Variants in CADM2 observed in about 807,000 individuals in gnomAD.
CADM2 encodes immunoglobulin superfamily member 4D.
CADM2 carries 12 observed loss-of-function variants against 49.8 expected under a neutral mutation model. The ratio of observed to expected loss-of-function variants is 0.24; its 90% CI spans 0.15 to 0.39. The LOEUF (loss-of-function observed/expected upper bound fraction) is 0.39. CADM2 is among the 10% of genes least tolerant of loss of function. The probability of loss-of-function intolerance (pLI) is 1.00; values close to 1 mark genes in which losing one functional copy is unlikely to be tolerated. For synonymous variants in CADM2, 214 were observed against 175.4 expected, an observed-to-expected ratio of 1.22 and a Z score of -1.74; for missense variants, 378 against 492.3, an observed-to-expected ratio of 0.77 and a Z score of 2.20.
intron 1 of CADM2, among the ~76,000 whole-genome samples, chr3:85,181,546 G>C (rs2040934384): frequency 6.6e-6 from 1 of 152,062 alleles, no homozygotes; most frequent in African/African-American, 2.4e-5. Context: ...CATGTAAATT[G>C]AGAATTGAAT....
intron 1 of CADM2, among the ~76,000 whole-genome samples, chr3:85,272,222 G>A (rs1189309063): frequency 1.3e-5 from 2 of 151,250 alleles, no homozygotes; most frequent in Non-Finnish European, 3.0e-5. Flanking sequence ...CAGAAAAAGA[G>A]GGAAAAGAAA....
intron 1 of CADM2, among the ~76,000 whole-genome samples, chr3:85,555,980 T>G (rs906412539): frequency 1.1e-4 from 17 of 152,106 alleles, no homozygotes; most frequent in Non-Finnish European, 2.4e-4. Context: ...ATATATATGA[T>G]TTTATTTTAT....
At chr3:85,471,654 A>G (rs1473922455) in intron 1 of CADM2, among the ~76,000 whole-genome samples, 2 of 150,710 alleles carry the variant, frequency 1.3e-5, no homozygotes, top group Non-Finnish European at 3.0e-5. Context: ...GAAAAAATCT[A>G]ACTGCGTTTG....
chr3:85,347,624 TATATAAATATATATAC>T (rs1172958718), intron 1 of CADM2, among the ~76,000 whole-genome samples: 1 of 49,772 alleles, frequency 2.0e-5, no homozygotes, highest in Non-Finnish European at 5.8e-5. Context: ...TATATACATA[TATATAAATATATATAC>T]ATATATATAT....
chr3:85,339,169 A>G (rs866848531), intron 1 of CADM2, among the ~76,000 whole-genome samples: 8 of 151,510 alleles, frequency 5.3e-5, no homozygotes, highest in African/African-American at 1.9e-4. Context: ...AAATAGGTGA[A>G]AAGTATTTTT....
intron 1 of CADM2, among the ~76,000 whole-genome samples, chr3:85,406,678 C>T (rs1490556276): frequency 6.6e-6 from 1 of 152,158 alleles, no homozygotes; most frequent in Non-Finnish European, 1.5e-5. Flanking sequence ...GAACTACCCT[C>T]TCCACCTCTT....
At chr3:86,062,245 G>A (rs1738747409) in intron 8 of CADM2, among the ~76,000 whole-genome samples, 1 of 152,080 alleles carries the variant, frequency 6.6e-6, no homozygotes. Context: ...GCAAGAGGTG[G>A]ATTTTTGAAC....
chr3:85,038,199 A>T (rs1356936703), intron 1 of CADM2, among the ~76,000 whole-genome samples: 1 of 152,210 alleles, frequency 6.6e-6, no homozygotes, highest in African/African-American at 2.4e-5. Flanking sequence ...CCAAGCAGCA[A>T]AAAGAGCAGC....
chr3:85,832,362 T>C (rs1394549075), intron 3 of CADM2, among the ~76,000 whole-genome samples: 1 of 151,850 alleles, frequency 6.6e-6, no homozygotes, highest in Non-Finnish European at 1.5e-5. Context: ...AAATGATGTG[T>C]GTAGTTTGAT....
chr3:86,060,722 G>A (rs911515940), intron 8 of CADM2, among the ~76,000 whole-genome samples: 2 of 152,034 alleles, frequency 1.3e-5, no homozygotes, highest in African/African-American at 4.8e-5. Flanking sequence ...GGTGACTCAC[G>A]CCTGTAATCC....
intron 1 of CADM2, among the ~76,000 whole-genome samples, chr3:85,510,443 A>G (rs1387532042): frequency 6.6e-6 from 1 of 152,092 alleles, no homozygotes; most frequent in East Asian, 1.9e-4. Flanking sequence ...TTATTGGTAA[A>G]TAGCAATTTG....
chr3:85,079,821 A>C (rs2037095121), intron 1 of CADM2, among the ~76,000 whole-genome samples: 1 of 151,916 alleles, frequency 6.6e-6, no homozygotes, highest in East Asian at 1.9e-4. Flanking sequence ...TTACTTTTCC[A>C]GATAATACCC....
rs1407785302 is a variant in CADM2, at chr3:86,068,299, T to C, written c.*1516T>C. The C allele has an allele frequency of 1.3e-5, 2 of 152,172 alleles. No homozygotes were observed. Among genetic ancestry groups the C allele is most frequent in the Admixed American group, 6.6e-5 (1 of 15,254 alleles). 9.4% of individuals were successfully genotyped at this position (152,172 alleles called of 1,614,324 possible). A position where few individuals can be genotyped will look rare whatever the true frequency, so the allele number is the denominator to read the frequency against. On this transcript the variant is annotated 3_prime_UTR_variant, in exon 10 of 10. Transcript: ENST00000383699. ...ATATGAAACAGTTAATCTAAAGTCT[T>C]ATTATTTCTTCTAGTAAAATAAAAT...
intron 1 of CADM2, among the ~76,000 whole-genome samples, chr3:85,275,600 AT>A (rs1393528805): frequency 6.6e-6 from 1 of 151,246 alleles, no homozygotes; most frequent in African/African-American, 2.4e-5. Flanking sequence ...TTGATTAAGC[AT>A]TCAGTTACAT....
At chr3:85,409,521 T>C (rs2035560697) in intron 1 of CADM2, among the ~76,000 whole-genome samples, 1 of 152,060 alleles carries the variant, frequency 6.6e-6, no homozygotes, top group Non-Finnish European at 1.5e-5. Flanking sequence ...TTCTGTGCTA[T>C]ACCAGGAAAT....
chr3:85,998,444 A>G (rs1187934013), intron 8 of CADM2, among the ~76,000 whole-genome samples: 2 of 152,174 alleles, frequency 1.3e-5, no homozygotes, highest in Non-Finnish European at 2.9e-5. Context: ...GGAATTGGAT[A>G]TGCAAAGAAA....
chr3:85,832,962 A>G (rs1190459645), intron 3 of CADM2, among the ~76,000 whole-genome samples: 1 of 151,816 alleles, frequency 6.6e-6, no homozygotes, highest in Non-Finnish European at 1.5e-5. Flanking sequence ...GGCTGTTAGT[A>G]TTTTGAGGTA....
chr3:84,959,810 A>G, intron 1 of CADM2, 142 bp downstream of exon 1: 4 of 778,124 alleles, frequency 5.1e-6, no homozygotes, highest in Non-Finnish European at 8.4e-6. Context: ...CTGGTGCGGC[A>G]GGGGGCAGTG....
chr3:85,892,062 TATTCTG>T (rs1714514601), intron 5 of CADM2, among the ~76,000 whole-genome samples: 1 of 152,346 alleles, frequency 6.6e-6, no homozygotes, highest in East Asian at 1.9e-4. Flanking sequence ...TAGCCTTGAA[TATTCTG>T]ATTCTAAGAC....
Sources: allele counts gnomAD v4.1 joint callset (sites outside exome capture counted in the v4.1 genomes callset), GRCh38; gene constraint gnomAD v4.1.1; transcripts MANE v1.5; gene names NCBI Gene and HGNC (gene_info 2026-07-23, HGNC 2026-07-21).